The following PIN1 variants were observed in gnomAD, a reference collection of about 807,000 sequenced individuals.
PIN1 encodes peptidyl-prolyl cis-trans isomerase NIMA-interacting 1.
Under a neutral mutation model 19.9 loss-of-function variants are expected in PIN1, and 8 were observed. The observed-to-expected ratio is 0.40, with a 90% CI of 0.24 to 0.72. The LOEUF is 0.72. Among genes scored for constraint, PIN1 ranks in the 30% least tolerant of loss-of-function variants. PIN1 has a pLI of 0.37. For synonymous variants in PIN1, 86 were observed against 90.8 expected, an observed-to-expected ratio of 0.95 and a Z score of 0.30; for missense variants, 185 against 226.5, an observed-to-expected ratio of 0.82 and a Z score of 1.18.
chr19:9,836,580 C>T, intron 1 of PIN1: 1 of 317,178 alleles, frequency 3.2e-6, no homozygotes, highest in South Asian at 2.6e-5. Context: ...ATGGGTGACA[C>T]TCCATGTCAC....
Position 9,849,554 on chromosome 19 carries a change from G to C in PIN1, c.*355G>C, listed in dbSNP as rs1237739184. 1 of 595,196 alleles carries C rather than the reference G, an allele frequency of 1.7e-6. No individual in the cohort carries two copies. The highest frequency in any genetic ancestry group is 1.8e-5 in the African/African-American group (1 of 54,770). 36.9% of individuals were successfully genotyped at this position (595,196 alleles called of 1,614,324 possible). A position where few individuals can be genotyped will look rare whatever the true frequency, so the allele number is the denominator to read the frequency against. On this transcript the variant is annotated 3_prime_UTR_variant, in exon 4 of 4. Transcript: ENST00000247970. ...CCAGGTGCTGGAGGCAGACTCGAGG[G>C]CCGAATTGTTTCTAGTTAGGCCACG...
chr19:9,848,082 A>G lies in PIN1; in HGVS notation c.324A>G (p.Ser108=). ...SGEEDFESLA[S]QFSDCSSAKA... is the part of the protein sequence containing the mutation. ...AGGAGGACTTTGAGTCTCTGGCCTC[A>G]CAGTTCAGCGACTGCAGCTCAGCCA... Residue 108 remains serine, a synonymous_variant, in exon 3 of 4, where the codon TCA becomes TCG. Transcript: ENST00000247970. 6.2e-7 allele frequency: 1 copy of G among 1,613,740 alleles called. No homozygotes were observed. Among genetic ancestry groups the G allele is most frequent in the South Asian group, 1.1e-5 (1 of 91,082 alleles).
intron 2 of PIN1, among the ~76,000 whole-genome samples, chr19:9,840,618 T>G (rs2046156560): frequency 6.6e-6 from 1 of 152,156 alleles, no homozygotes. Context: ...CTTCTTCTTT[T>G]GAGACAGGGT....
intron 2 of PIN1, among the ~76,000 whole-genome samples, chr19:9,845,570 G>A (rs1318065267): frequency 6.6e-6 from 1 of 152,090 alleles, no homozygotes; most frequent in African/African-American, 2.4e-5. Context: ...CAGCCCAGGG[G>A]TTTGAGGCCA....
intron 2 of PIN1, among the ~76,000 whole-genome samples, chr19:9,839,633 T>G (rs2046144658): frequency 6.6e-6 from 1 of 152,196 alleles, no homozygotes; most frequent in African/African-American, 2.4e-5. Context: ...ATAACTAATA[T>G]GTAAGCAAGC....
chr19:9,835,546 G>A (rs1159611352), intron 1 of PIN1, 144 bp downstream of exon 1: 2 of 625,864 alleles, frequency 3.2e-6, no homozygotes, highest in Non-Finnish European at 2.5e-6. Flanking sequence ...AACGGCCCCG[G>A]CCCGCCCTGT....
intron 2 of PIN1, among the ~76,000 whole-genome samples, chr19:9,839,427 A>G (rs1410892515): frequency 6.6e-6 from 1 of 152,000 alleles, no homozygotes; most frequent in African/African-American, 2.4e-5. Context: ...AAAAAAAAAA[A>G]AAAAAAGAGG....
intron 2 of PIN1, among the ~76,000 whole-genome samples, chr19:9,842,566 C>G (rs920431914): frequency 1.3e-5 from 2 of 152,198 alleles, no homozygotes; most frequent in Non-Finnish European, 2.9e-5. Context: ...AGAAAGAGTT[C>G]CGGATAGGAC....
chr19:9,835,363 C>G lies in PIN1; in HGVS notation c.19C>G (p.Leu7Val), dbSNP rs950079659. The change falls in exon 1 of 4, where the codon CTG becomes GTG. Residue 7 changes from leucine to valine, a missense_variant. Coordinates refer to ENST00000247970, the MANE Select transcript of PIN1 (RefSeq NM_006221.4). MADEEK[L>V]PPGWEKRMSR... ...AGGGAAGATGGCGGACGAGGAGAAGCTGCCGCCCGGCTGGGAGAAGCGCAT... is the reference window on the plus strand; with the variant it reads ...AGGGAAGATGGCGGACGAGGAGAAGGTGCCGCCCGGCTGGGAGAAGCGCAT... 1 of 1,522,374 alleles carries G rather than the reference C, an allele frequency of 6.6e-7. No individual in the cohort carries two copies. Among genetic ancestry groups the G allele is most frequent in the Non-Finnish European group, 8.8e-7 (1 of 1,141,636 alleles). 94.3% of individuals were successfully genotyped at this position (1,522,374 alleles called of 1,614,324 possible).
intron 1 of PIN1, chr19:9,836,287 G>C (rs1169917405): frequency 6.5e-6 from 1 of 153,390 alleles, no homozygotes; most frequent in African/African-American, 2.4e-5. Context: ...GAACTGTTTG[G>C]ATACATGGAC....
Position 9,849,376 on chromosome 19 carries a change from C to T in PIN1, c.*177C>T. On this transcript the variant is annotated 3_prime_UTR_variant, in exon 4 of 4. Transcript: ENST00000247970. ...CAGATTGGGGGCCCTGGGGTCCCCA[C>T]TCCCTGTCCATCCCCAGTTGGGGCT... is the stretch of plus-strand genomic sequence containing the variant. The T allele has an allele frequency of 2.8e-6, 2 of 713,034 alleles. No individual in the cohort carries two copies. The highest frequency in any genetic ancestry group is 5.1e-6 in the Non-Finnish European group (2 of 391,412). 44.2% of individuals were successfully genotyped at this position (713,034 alleles called of 1,614,324 possible).
At position 9,838,607 on chromosome 19, in the gene PIN1, A is replaced by C. The variant is rs1275322317; in HGVS notation, c.230A>C (p.Lys77Thr). Reference protein sequence around the residue: ...SRRPSSWRQEKITRTKEEALE... With the variant: ...SRRPSSWRQETITRTKEEALE... ...CGGCCCTCGTCCTGGCGGCAGGAGAAGATCACCCGGACCAAGGAGGAGGCC... is the reference window on the plus strand; with the variant it reads ...CGGCCCTCGTCCTGGCGGCAGGAGACGATCACCCGGACCAAGGAGGAGGCC... The change falls in exon 2 of 4, where the codon AAG (lysine) becomes ACG (threonine). Residue 77 changes from lysine (K) to threonine (T), a missense_variant. By Grantham distance (78) the Lys-to-Thr change is moderately conservative. Transcript: ENST00000247970. This position sits in a 1 kb window ranked among gnomAD's most constrained non-coding sequence, Gnocchi z 5.8. 6.4e-7 allele frequency: 1 copy of C among 1,552,632 alleles called. No homozygotes were observed. Among genetic ancestry groups the C allele is most frequent in the South Asian group, 1.2e-5 (1 of 84,342 alleles).
intron 1 of PIN1, chr19:9,836,783 G>C (rs2046110918): frequency 6.3e-6 from 8 of 1,266,354 alleles, no homozygotes; most frequent in South Asian, 1.2e-5. Context: ...TGAAGTACCT[G>C]AGTACAGTTC....
In PIN1 at chr19:9,844,892, C is replaced by A. The variant is rs114465936; in HGVS notation, c.272-3138C>A. ...TTAACTTCTTGAACATTCGTGAACACCTGTTTTGTGCACAGTGCTGGGTTC... is the reference window on the plus strand; with the variant it reads ...TTAACTTCTTGAACATTCGTGAACAACTGTTTTGTGCACAGTGCTGGGTTC... On this transcript the variant is annotated intron_variant, in intron 2 of 3. Transcript: ENST00000247970. Among the ~76,000 whole-genome samples the A allele has an allele frequency of 8.9e-3, 1,360 of 152,288 alleles. 12 individuals are homozygous for A. Among genetic ancestry groups the A allele is most frequent in the African/African-American group, 0.03 (1,264 of 41,548 alleles).
In PIN1 at chr19:9,835,336, G is replaced by A; in HGVS notation, c.-9G>A. Reference sequence around the variant, plus strand: ...CTGAGGCGGAGCAGGCGCTGCGGCAGGAGGGAAGATGGCGGACGAGGAGAA... The same window carrying A: ...CTGAGGCGGAGCAGGCGCTGCGGCAAGAGGGAAGATGGCGGACGAGGAGAA... On this transcript the variant is annotated 5_prime_UTR_variant, in exon 1 of 4. Coordinates refer to ENST00000247970, the MANE Select transcript of PIN1 (RefSeq NM_006221.4). 1 of 1,525,418 alleles carries A rather than the reference G, an allele frequency of 6.6e-7. No individual in the cohort carries two copies. Among genetic ancestry groups the A allele is most frequent in the Non-Finnish European group, 8.8e-7 (1 of 1,142,522 alleles). The allele number at this position is 1,525,418 out of a possible 1,614,324, so 94.5% of individuals were successfully genotyped here.
chr19:9,849,531 A>G lies in PIN1; in HGVS notation c.*332A>G, dbSNP rs758842131. The G allele has an allele frequency of 3.2e-6, 2 of 629,104 alleles. No homozygotes were observed. The highest frequency in any genetic ancestry group is 3.5e-5 in the East Asian group (1 of 28,434). The allele number at this position is 629,104 out of a possible 1,614,324, so 39.0% of individuals were successfully genotyped here. On this transcript the variant is annotated 3_prime_UTR_variant, in exon 4 of 4. Coordinates refer to ENST00000247970, the MANE Select transcript of PIN1 (RefSeq NM_006221.4). Reference sequence around the variant, plus strand: ...CAGCAGAGCCGCCCCGTGTCCCCCCAGGTGCTGGAGGCAGACTCGAGGGCC... The same window carrying G: ...CAGCAGAGCCGCCCCGTGTCCCCCCGGGTGCTGGAGGCAGACTCGAGGGCC...
At chr19:9,847,905 T>G in intron 2 of PIN1, 125 bp from the exon 3 acceptor site, 1 of 718,764 alleles carries the variant, frequency 1.4e-6, no homozygotes. Context: ...TGTGCGCCTG[T>G]GAGGGGAGGC....
intron 2 of PIN1, among the ~76,000 whole-genome samples, chr19:9,840,465 C>T (rs1446198217): frequency 1.3e-5 from 2 of 152,206 alleles, no homozygotes; most frequent in Non-Finnish European, 2.9e-5. Flanking sequence ...TCTCAGAGTC[C>T]CCAAACCTGG....
In PIN1 at chr19:9,846,174, C is replaced by A. The variant is rs1036675125; in HGVS notation, c.272-1856C>A. Reference sequence around the variant, plus strand: ...CTGGAAGCGGGGCATTCTGATCAAACCAGGGCATCACGGGCAGAAGCCTCT... The same window carrying A: ...CTGGAAGCGGGGCATTCTGATCAAAACAGGGCATCACGGGCAGAAGCCTCT... On this transcript the variant is annotated intron_variant, in intron 2 of 3. Transcript: ENST00000247970. The surrounding 1 kb of genome is among the most constrained non-coding windows in gnomAD (Gnocchi z 5.9). Among the ~76,000 whole-genome samples the A allele has an allele frequency of 6.6e-6, 1 of 152,226 alleles. No individual in the cohort carries two copies. Among genetic ancestry groups the A allele is most frequent in the East Asian group, 1.9e-4 (1 of 5,184 alleles).
Sources: gnomAD v4.1 joint callset for allele counts (sites outside exome capture counted in the v4.1 genomes callset) on GRCh38, gnomAD v4.1.1 for gene constraint, Gnocchi (gnomAD v3.1) non-coding constraint, MANE v1.5 for transcripts, NCBI Gene and HGNC (gene_info 2026-07-23, HGNC 2026-07-21) for gene names.